CHST15: variants seen among roughly 807,000 people sequenced by gnomAD.
CHST15 encodes carbohydrate sulfotransferase 15.
CHST15 carries 30 observed loss-of-function variants against 53.6 expected under a neutral mutation model. The observed-to-expected ratio is 0.56, with a 90% CI of 0.42 to 0.76. The LOEUF (loss-of-function observed/expected upper bound fraction) is 0.76, where lower values mean the gene tolerates loss of function less well. Ranked by LOEUF, CHST15 falls within the 30% of genes least tolerant of loss-of-function variation. The pLI is 0.00. For synonymous variants in CHST15, 296 were observed against 289.8 expected (o/e 1.02, Z -0.22); for missense variants, 627 against 740.5 (o/e 0.85, Z 1.78).
intron 3 of CHST15, among the ~76,000 whole-genome samples, chr10:124,044,227 GCA>G (rs1947868386): frequency 6.6e-6 from 1 of 151,716 alleles, no homozygotes; most frequent in Non-Finnish European, 1.5e-5. Context: ...GCAGGGAATA[GCA>G]CAGAGCTGGG....
At chr10:124,080,845 C>T (rs1949210218) in intron 1 of CHST15, among the ~76,000 whole-genome samples, 1 of 152,250 alleles carries the variant, frequency 6.6e-6, no homozygotes, top group Non-Finnish European at 1.5e-5. Flanking sequence ...TCCTTTCACC[C>T]ATCTGTCTGT....
chr10:124,021,227 C>A, intron 6 of CHST15, 29 bp downstream of exon 6: 2 of 255,478 alleles, frequency 7.8e-6, no homozygotes, highest in South Asian at 3.4e-5. Context: ...GGGGCCAGCT[C>A]GGGGGGTACG....
At chr10:124,023,310 C>T (rs1946862635) in intron 5 of CHST15, among the ~76,000 whole-genome samples, 1 of 151,794 alleles carries the variant, frequency 6.6e-6, no homozygotes, top group Non-Finnish European at 1.5e-5. Flanking sequence ...CATAGTGAAA[C>T]CTTGTCTCTA....
chr10:124,084,574 C>A (rs559653829), intron 1 of CHST15, among the ~76,000 whole-genome samples: 1 of 152,072 alleles, frequency 6.6e-6, no homozygotes, highest in South Asian at 2.1e-4. Context: ...AAGGGATTAA[C>A]CAATCATCCA....
At chr10:124,059,842 A>T (rs1251952055) in intron 1 of CHST15, among the ~76,000 whole-genome samples, 1 of 152,206 alleles carries the variant, frequency 6.6e-6, no homozygotes, top group African/African-American at 2.4e-5. Flanking sequence ...CAATGAGAAG[A>T]ACGGCCTGAA....
intron 6 of CHST15, chr10:124,020,961 TTGCTGGGTG>T: frequency 7.2e-7 from 1 of 1,394,616 alleles, no homozygotes. Context: ...CCGATTCTAA[TTGCTGGGTG>T]TCTTGCTAAA....
chr10:124,023,701 T>C (rs551630184), intron 5 of CHST15, among the ~76,000 whole-genome samples: 184 of 152,112 alleles, frequency 1.2e-3, no homozygotes, highest in African/African-American at 4.2e-3. Context: ...CTCCACAGGG[T>C]CACACTTCTC....
intron 1 of CHST15, among the ~76,000 whole-genome samples, chr10:124,060,993 T>C (rs1948554092): frequency 6.6e-6 from 1 of 152,186 alleles, no homozygotes; most frequent in Non-Finnish European, 1.5e-5. Flanking sequence ...CATCTCTTTC[T>C]GACTTTTAGA....
rs1210251469 is a variant in CHST15, at chr10:124,009,265, A to C, written c.*884T>G. On this transcript the variant is annotated 3_prime_UTR_variant, in exon 8 of 8. Coordinates refer to ENST00000435907, the MANE Select transcript of CHST15 (RefSeq NM_001270764.2). The stretch of plus-strand genomic sequence containing the variant: ...TGAGGTTGCTCATTCTGGCATTAAC[A>C]GCAAAAATTTCTCTTCCAATTATAA... The C allele has an allele frequency of 4.6e-6, 5 of 1,085,518 alleles. No homozygotes were observed. In the East Asian group the frequency reaches 2.9e-4, roughly 62 times the overall value. 67.2% of individuals were successfully genotyped at this position (1,085,518 alleles called of 1,614,324 possible). A position where few individuals can be genotyped will look rare whatever the true frequency, so the allele number is the denominator to read the frequency against.
At position 124,046,295 on chromosome 10, in the gene CHST15, G is replaced by C. The variant is rs1454063314; in HGVS notation, c.-83C>G. 19 of 1,360,572 alleles carry C rather than the reference G, an allele frequency of 1.4e-5. No homozygotes were observed. The highest frequency in any genetic ancestry group is 1.8e-5 in the Non-Finnish European group (18 of 1,003,870). 84.3% of individuals were successfully genotyped at this position (1,360,572 alleles called of 1,614,324 possible). On this transcript the variant is annotated 5_prime_UTR_variant, in exon 2 of 8. Transcript: ENST00000435907. The stretch of plus-strand genomic sequence containing the variant: ...GTCTGGATGTCCGCAAGTCGTGCTA[G>C]AAAACCTTAAGAATGCCTTGTGATC...
intron 6 of CHST15, among the ~76,000 whole-genome samples, chr10:124,016,844 G>A (rs1299563397): frequency 6.6e-6 from 1 of 152,176 alleles, no homozygotes; most frequent in East Asian, 1.9e-4. Flanking sequence ...CTCACAGATG[G>A]AGTTTTAGAA....
intron 5 of CHST15, among the ~76,000 whole-genome samples, chr10:124,027,675 T>C (rs1297843461): frequency 1.3e-5 from 2 of 152,210 alleles, no homozygotes; most frequent in Admixed American, 1.3e-4. Context: ...TACAGGGTGC[T>C]GCATGCATGC....
chr10:124,022,212 G>A (rs1202881123), intron 5 of CHST15, among the ~76,000 whole-genome samples: 2 of 152,202 alleles, frequency 1.3e-5, no homozygotes, highest in Non-Finnish European at 2.9e-5. Context: ...ATGTATGAGA[G>A]GCTACTGTTC....
At chr10:124,076,938 T>C (rs1223043954) in intron 1 of CHST15, among the ~76,000 whole-genome samples, 1 of 152,094 alleles carries the variant, frequency 6.6e-6, no homozygotes, top group Non-Finnish European at 1.5e-5. Context: ...CTCAATCTCC[T>C]GACCTCGTGA....
rs1186627615 is a variant in CHST15, at chr10:124,010,060, T to C, written c.*89A>G. 1.4e-5 allele frequency: 22 copies of C among 1,601,802 alleles called. No homozygotes were observed. Among genetic ancestry groups the C allele is most frequent in the Non-Finnish European group, 1.4e-5 (17 of 1,174,452 alleles). On this transcript the variant is annotated 3_prime_UTR_variant, in exon 8 of 8. Coordinates refer to ENST00000435907, the MANE Select transcript of CHST15 (RefSeq NM_001270764.2). The stretch of plus-strand genomic sequence containing the variant: ...CAGAGTCCTGGGGTTTTCCATACCA[T>C]GAGTGAAACAGTTCCCCGCAAAGAG...
rs1246066048 is a variant in CHST15, at chr10:124,019,914, A to G, written c.1347+1342T>C. On this transcript the variant is annotated intron_variant, in intron 6 of 7. Transcript: ENST00000435907. This position sits in a 1 kb window ranked among gnomAD's most constrained non-coding sequence, Gnocchi z 4.6. ...TTCTGTATGGTAGGTGGTGCTGACC[A>G]CTGGGCCTCTGCACACGCTGCTCTC... is the stretch of plus-strand genomic sequence containing the variant. 4 of 985,744 alleles carry G rather than the reference A, an allele frequency of 4.1e-6. No homozygotes were observed. The highest frequency in any genetic ancestry group is 3.6e-6 in the Non-Finnish European group (3 of 830,328). The allele number at this position is 985,744 out of a possible 1,614,324, so 61.1% of individuals were successfully genotyped here.
chr10:124,086,371 G>C (rs934349635), intron 1 of CHST15, among the ~76,000 whole-genome samples: 5 of 152,224 alleles, frequency 3.3e-5, no homozygotes, highest in African/African-American at 1.2e-4. Flanking sequence ...TCCATGAGGA[G>C]GAAGCTCCCC....
At chr10:124,020,715 G>A in intron 6 of CHST15, 1 of 1,008,050 alleles carries the variant, frequency 9.9e-7, no homozygotes, top group African/African-American at 1.7e-5. Context: ...GCTAAAAGGT[G>A]CTGAATTCAC....
intron 1 of CHST15, among the ~76,000 whole-genome samples, chr10:124,075,625 C>T (rs1949052870): frequency 6.6e-6 from 1 of 152,172 alleles, no homozygotes; most frequent in African/African-American, 2.4e-5. Flanking sequence ...ACCCCCTACA[C>T]TCCCTTCCAA....
Sources: allele counts gnomAD v4.1 joint callset (sites outside exome capture counted in the v4.1 genomes callset), GRCh38; gene constraint gnomAD v4.1.1; non-coding constraint Gnocchi (gnomAD v3.1); transcripts MANE v1.5; gene names NCBI Gene and HGNC (gene_info 2026-07-23, HGNC 2026-07-21).